KIAA1328: variants seen among roughly 807,000 people sequenced by gnomAD.
KIAA1328 encodes KIAA1328.
Under a neutral mutation model 68.1 loss-of-function variants are expected in KIAA1328, and 52 were observed. The ratio of observed to expected loss-of-function variants is 0.76; its 90% CI spans 0.61 to 0.96. KIAA1328 has a LOEUF of 0.96. KIAA1328 is among the 40% of genes least tolerant of loss of function. The pLI is 0.00. For missense variants in KIAA1328, 641 were observed against 677.6 expected (o/e 0.95, Z 0.60); for synonymous variants, 232 against 239.4 (o/e 0.97, Z 0.28).
chr18:37,186,119 T>G (rs12964915), intron 9 of KIAA1328, among the ~76,000 whole-genome samples: 2 of 139,228 alleles, frequency 1.4e-5, no homozygotes, highest in South Asian at 2.3e-4. Flanking sequence ...TTTTTTTTTG[T>G]GAGGCAGGTA....
At chr18:37,055,470 T>A (rs2055872100) in intron 6 of KIAA1328, among the ~76,000 whole-genome samples, 1 of 152,218 alleles carries the variant, frequency 6.6e-6, no homozygotes, top group East Asian at 1.9e-4. Context: ...CTTGATGATC[T>A]TCTAGCAAAA....
chr18:37,167,899 A>G (rs1349433764), intron 8 of KIAA1328, among the ~76,000 whole-genome samples: 1 of 151,646 alleles, frequency 6.6e-6, no homozygotes, highest in African/African-American at 2.4e-5. Flanking sequence ...TATCAAAGCC[A>G]GAGACAGATG....
At chr18:37,013,103 G>A (rs1367794216) in intron 6 of KIAA1328, among the ~76,000 whole-genome samples, 3 of 152,066 alleles carry the variant, frequency 2.0e-5, no homozygotes, top group Admixed American at 6.6e-5. Flanking sequence ...TTTGGTGTTA[G>A]TTAATAAATT....
At chr18:37,213,018 G>A (rs1207702555) in intron 9 of KIAA1328, among the ~76,000 whole-genome samples, 5 of 152,160 alleles carry the variant, frequency 3.3e-5, no homozygotes, top group African/African-American at 1.2e-4. Context: ...TGCACACACT[G>A]CATGAGCCAC....
intron 7 of KIAA1328, among the ~76,000 whole-genome samples, chr18:37,139,388 A>G (rs967814590): frequency 1.3e-5 from 2 of 152,194 alleles, no homozygotes; most frequent in African/African-American, 2.4e-5. Context: ...TCTAAGCAGT[A>G]TGGTATGTGA....
chr18:36,993,904 G>A (rs987354561), intron 6 of KIAA1328, among the ~76,000 whole-genome samples: 9 of 150,402 alleles, frequency 6.0e-5, no homozygotes, highest in African/African-American at 1.7e-4. Context: ...ATTTCCTTCC[G>A]TAACTGTTTA....
intron 7 of KIAA1328, among the ~76,000 whole-genome samples, chr18:37,116,901 T>C (rs1294990568): frequency 2.0e-5 from 3 of 152,016 alleles, no homozygotes; most frequent in Non-Finnish European, 2.9e-5. Context: ...CCAACAGACA[T>C]ATGAAAAAAT....
intron 7 of KIAA1328, among the ~76,000 whole-genome samples, chr18:37,150,245 G>A (rs1160134149): frequency 1.3e-5 from 2 of 152,058 alleles, no homozygotes; most frequent in Non-Finnish European, 2.9e-5. Context: ...TCTCAGCCTT[G>A]GTACTATTGA....
chr18:36,936,513 A>G (rs1171201468), intron 5 of KIAA1328, among the ~76,000 whole-genome samples: 4 of 152,134 alleles, frequency 2.6e-5, no homozygotes, highest in Non-Finnish European at 5.9e-5. Context: ...AATGCCTATC[A>G]TTGACGGGCA....
intron 9 of KIAA1328, among the ~76,000 whole-genome samples, chr18:37,189,371 T>C (rs769991356): frequency 6.6e-6 from 1 of 152,214 alleles, no homozygotes; most frequent in Admixed American, 6.5e-5. Flanking sequence ...ATTATTTACA[T>C]TGGATATTTG....
At chr18:36,894,744 C>T (rs1387136943) in intron 5 of KIAA1328, among the ~76,000 whole-genome samples, 4 of 151,990 alleles carry the variant, frequency 2.6e-5, no homozygotes, top group African/African-American at 4.8e-5. Context: ...AGGCTGGTCC[C>T]GAACTTCTGG....
At chr18:37,126,473 C>G (rs1243112767) in intron 7 of KIAA1328, among the ~76,000 whole-genome samples, 1 of 152,022 alleles carries the variant, frequency 6.6e-6, no homozygotes, top group African/African-American at 2.4e-5. Flanking sequence ...AAACCTTCCC[C>G]CAAAGAAAAC....
At chr18:37,148,036 G>A (rs1249769972) in intron 7 of KIAA1328, among the ~76,000 whole-genome samples, 1 of 151,842 alleles carries the variant, frequency 6.6e-6, no homozygotes, top group Non-Finnish European at 1.5e-5. Context: ...ATAGGTAAAT[G>A]TGTGCCATGG....
intron 9 of KIAA1328, among the ~76,000 whole-genome samples, chr18:37,190,561 G>A (rs892519173): frequency 6.6e-6 from 1 of 152,098 alleles, no homozygotes. Context: ...CCAGAAGCAC[G>A]GACAGCTTTG....
chr18:37,174,096 G>T (rs2059550957), intron 9 of KIAA1328, among the ~76,000 whole-genome samples: 1 of 152,128 alleles, frequency 6.6e-6, no homozygotes, highest in African/African-American at 2.4e-5. Context: ...CTAGCACCTT[G>T]CCAAGCCCTT....
At chr18:37,031,051 A>G (rs1386270798) in intron 6 of KIAA1328, among the ~76,000 whole-genome samples, 1 of 152,118 alleles carries the variant, frequency 6.6e-6, no homozygotes, top group Non-Finnish European at 1.5e-5. Flanking sequence ...CATGGTGTAT[A>G]TGTGCCACAT....
chr18:36,885,494 G>A (rs1446484426), intron 4 of KIAA1328, 63 bp from the exon 5 acceptor site: 3 of 915,938 alleles, frequency 3.3e-6, no homozygotes, highest in Non-Finnish European at 4.8e-6. Context: ...GTAAACTGCA[G>A]CTGTAGGCAC....
At chr18:36,867,055 G>C (rs1346600774) in intron 4 of KIAA1328, among the ~76,000 whole-genome samples, 1 of 152,166 alleles carries the variant, frequency 6.6e-6, no homozygotes, top group East Asian at 1.9e-4. Context: ...ATGTGATATA[G>C]TTTGGATATT....
At chr18:37,203,765 C>T (rs1277610864) in intron 9 of KIAA1328, among the ~76,000 whole-genome samples, 1 of 151,988 alleles carries the variant, frequency 6.6e-6, no homozygotes, top group Non-Finnish European at 1.5e-5. Flanking sequence ...TGTGGTCATA[C>T]ATATGCCCTC....
Sources: allele counts gnomAD v4.1 joint callset (sites outside exome capture counted in the v4.1 genomes callset), GRCh38; gene constraint gnomAD v4.1.1; transcripts MANE v1.5; gene names NCBI Gene and HGNC (gene_info 2026-07-23, HGNC 2026-07-21).